The following ASIC2 variants were observed in gnomAD, a reference collection of about 807,000 sequenced individuals.
The protein encoded by ASIC2 is acid-sensing ion channel 2.
Under a neutral mutation model 57.3 loss-of-function variants are expected in ASIC2, and 25 were observed. The ratio of observed to expected loss-of-function variants is 0.44; its 90% CI spans 0.32 to 0.61. ASIC2 has a LOEUF of 0.61. ASIC2 is among the 20% of genes least tolerant of loss of function. The pLI is 0.06. For missense variants in ASIC2, 641 were observed against 738.1 expected (o/e 0.87, Z 1.52); for synonymous variants, 319 against 307.5 (o/e 1.04, Z -0.39).
intron 2 of ASIC2, among the ~76,000 whole-genome samples, chr17:33,091,397 G>A (rs528573718): frequency 2.2e-4 from 33 of 152,184 alleles, no homozygotes; most frequent in Non-Finnish European, 4.4e-4. Context: ...TCAGTGAGCC[G>A]TGGGAGGGAA....
intron 1 of ASIC2, among the ~76,000 whole-genome samples, chr17:34,076,098 G>C (rs1347941605): frequency 6.6e-6 from 1 of 151,982 alleles, no homozygotes; most frequent in Non-Finnish European, 1.5e-5. Flanking sequence ...CGCCTCCCGG[G>C]TTCATGTCAT....
At chr17:33,662,628 TAAA>T (rs1417712657) in intron 1 of ASIC2, among the ~76,000 whole-genome samples, 1 of 65,276 alleles carries the variant, frequency 1.5e-5, no homozygotes, top group Non-Finnish European at 3.0e-5. Context: ...GTCTCAAAAA[TAAA>T]TAAATAAATA....
intron 3 of ASIC2, among the ~76,000 whole-genome samples, chr17:33,051,481 G>A (rs533718350): frequency 6.6e-6 from 1 of 152,086 alleles, no homozygotes; most frequent in Non-Finnish European, 1.5e-5. Flanking sequence ...GTCATTTCCT[G>A]GAAGCTTTAC....
chr17:33,705,818 G>T (rs989956), intron 1 of ASIC2, among the ~76,000 whole-genome samples: 52,861 of 151,960 alleles, frequency 0.35, 10,785 homozygotes, highest in African/African-American at 0.58. Context: ...TGTGGTAATT[G>T]GTCATAGCAG....
intron 1 of ASIC2, among the ~76,000 whole-genome samples, chr17:33,750,717 C>T (rs1357372654): frequency 6.6e-6 from 1 of 152,122 alleles, no homozygotes; most frequent in Non-Finnish European, 1.5e-5. Flanking sequence ...AGACATCAGG[C>T]ATTGTCTGAT....
intron 1 of ASIC2, among the ~76,000 whole-genome samples, chr17:33,747,799 C>T (rs1228771268): frequency 2.0e-5 from 3 of 152,206 alleles, no homozygotes; most frequent in African/African-American, 7.2e-5. Context: ...TTCCCCAGGT[C>T]TGCAGGGTCC....
At chr17:33,418,994 A>G (rs115048376) in intron 1 of ASIC2, among the ~76,000 whole-genome samples, 1,700 of 152,242 alleles carry the variant, frequency 0.011, 27 homozygotes, top group African/African-American at 0.037. Context: ...GGAGAAATTC[A>G]TAATGTAGAT....
intron 1 of ASIC2, among the ~76,000 whole-genome samples, chr17:33,818,350 A>C (rs918260850): frequency 6.6e-6 from 1 of 152,202 alleles, no homozygotes; most frequent in South Asian, 2.1e-4. Flanking sequence ...AACCTTTTGC[A>C]TATATTACCT....
At position 33,293,107 on chromosome 17, in the gene ASIC2, C is replaced by T. The variant is rs1905573851; in HGVS notation, c.-992G>A. ...ACACCTCCCGGGGGTGACCCGGACTCGCTGCTCCGCGCGCCCTTCTCCTCT... is the reference window on the plus strand; with the variant it reads ...ACACCTCCCGGGGGTGACCCGGACTTGCTGCTCCGCGCGCCCTTCTCCTCT... On this transcript the variant is annotated 5_prime_UTR_variant, in exon 1 of 10. Transcript: ENST00000225823. The T allele has an allele frequency of 1.1e-6, 1 of 890,522 alleles. No homozygotes were observed. The highest frequency in any genetic ancestry group is 1.8e-5 in the African/African-American group (1 of 55,302). The allele number at this position is 890,522 out of a possible 1,614,324, so 55.2% of individuals were successfully genotyped here.
At chr17:33,111,884 T>C (rs1276840236) in intron 2 of ASIC2, 33 bp downstream of exon 2, 1 of 1,584,424 alleles carries the variant, frequency 6.3e-7, no homozygotes, top group Non-Finnish European at 8.6e-7. Flanking sequence ...CCCTCCACCA[T>C]CACCCAATGC....
intron 1 of ASIC2, among the ~76,000 whole-genome samples, chr17:33,331,259 C>A (rs1014252092): frequency 2.6e-5 from 4 of 152,190 alleles, no homozygotes; most frequent in African/African-American, 9.6e-5. Flanking sequence ...TTCCACAAAA[C>A]TGGTCCCTGG....
chr17:33,192,060 AT>A (rs772309784), intron 1 of ASIC2, among the ~76,000 whole-genome samples: 7 of 151,774 alleles, frequency 4.6e-5, no homozygotes, highest in Non-Finnish European at 8.8e-5. Context: ...CTCTCCCTCC[AT>A]TTTCTTCTTA....
intron 1 of ASIC2, among the ~76,000 whole-genome samples, chr17:33,418,020 ATGTATGTATGTGTGTGTG>A (rs1210695939): frequency 5.1e-4 from 60 of 117,644 alleles, no homozygotes; most frequent in Middle Eastern, 8.9e-3. Flanking sequence ...GGCTCTCAGC[ATGTATGTATGTGTGTGTG>A]TGTGTGTGTG....
chr17:33,749,440 C>T (rs117018951), intron 1 of ASIC2, among the ~76,000 whole-genome samples: 1,876 of 152,162 alleles, frequency 0.012, 13 homozygotes, highest in South Asian at 0.018. Context: ...GCGCTTTCAC[C>T]AGTCCAGCCC....
intron 1 of ASIC2, among the ~76,000 whole-genome samples, chr17:33,335,739 T>C (rs1455434940): frequency 6.6e-6 from 1 of 152,186 alleles, no homozygotes; most frequent in Non-Finnish European, 1.5e-5. Context: ...CACATAGTCA[T>C]GAACGTGAGG....
At chr17:33,158,060 T>C (rs1371555405) in intron 1 of ASIC2, among the ~76,000 whole-genome samples, 1 of 152,216 alleles carries the variant, frequency 6.6e-6, no homozygotes, top group Non-Finnish European at 1.5e-5. Context: ...ATGTCACCTG[T>C]TTAAAATGGA....
At chr17:33,764,154 C>CA (rs1910864942) in intron 1 of ASIC2, among the ~76,000 whole-genome samples, 1 of 151,772 alleles carries the variant, frequency 6.6e-6, no homozygotes, top group South Asian at 2.1e-4. Context: ...AACAAAACAA[C>CA]AAAAAAACAA....
In ASIC2 at chr17:33,592,348, C is replaced by T. The variant is rs182874840; in HGVS notation, c.556-480281G>A. Among the ~76,000 whole-genome samples, 6 of 152,342 alleles carry T rather than the reference C, an allele frequency of 3.9e-5. No individual in the cohort carries two copies. In the South Asian group the frequency reaches 6.2e-4, roughly 16 times the overall value. Reference sequence around the variant, plus strand: ...CTTAACCTTGGTGTTCACTAGCTGCCGGAGCCTTCTCTGGTTTGCTCTGAT... The same window carrying T: ...CTTAACCTTGGTGTTCACTAGCTGCTGGAGCCTTCTCTGGTTTGCTCTGAT... On this transcript the variant is annotated intron_variant, in intron 1 of 9. Transcript: ENST00000359872.
intron 1 of ASIC2, among the ~76,000 whole-genome samples, chr17:33,769,686 T>C (rs1911038197): frequency 6.6e-6 from 1 of 152,224 alleles, no homozygotes; most frequent in Non-Finnish European, 1.5e-5. Context: ...TTTCCCTGAT[T>C]AAAGAAGCTT....
Sources: gnomAD v4.1 joint callset for allele counts (sites outside exome capture counted in the v4.1 genomes callset) on GRCh38, gnomAD v4.1.1 for gene constraint, MANE v1.5 for transcripts, NCBI Gene and HGNC (gene_info 2026-07-23, HGNC 2026-07-21) for gene names.